The following PARVB variants were observed in gnomAD, a reference collection of about 807,000 sequenced individuals.
PARVB encodes the protein parvin beta.
In PARVB, 46 loss-of-function variants were observed where a neutral mutation model predicts 47.0. The ratio of observed to expected loss-of-function variants is 0.98; its 90% CI spans 0.77 to 1.25. PARVB has a LOEUF of 1.25. Among genes scored for constraint, PARVB ranks in the 50% most tolerant of loss-of-function variants. The pLI, the probability that PARVB is intolerant of heterozygous loss-of-function variation, is 0.00. For synonymous variants in PARVB, 196 were observed against 196.3 expected, an observed-to-expected ratio of 1.00 and a Z score of 0.01; for missense variants, 473 against 471.6, an observed-to-expected ratio of 1.00 and a Z score of -0.03.
chr22:44,170,105 A>T lies in PARVB; in HGVS notation c.*1427A>T, dbSNP rs894404266. 2 of 138,930 alleles carry T rather than the reference A, an allele frequency of 1.4e-5. No homozygotes were observed. Among genetic ancestry groups the T allele is most frequent in the African/African-American group, 6.7e-5 (2 of 29,914 alleles). 8.6% of individuals were successfully genotyped at this position (138,930 alleles called of 1,614,324 possible). A position where few individuals can be genotyped will look rare whatever the true frequency, so the allele number is the denominator to read the frequency against. ...AGCCTTGATCTCCCAGGCTCAATTG[A>T]TCCTCCCACCTCAGCCTCCCAAGTA... On this transcript the variant is annotated 3_prime_UTR_variant, in exon 13 of 13. Coordinates refer to ENST00000338758, the MANE Select transcript of PARVB (RefSeq NM_013327.5).
intron 4 of PARVB, among the ~76,000 whole-genome samples, chr22:44,121,557 TTA>T (rs1491411434): frequency 2.9e-5 from 4 of 136,636 alleles, no homozygotes; most frequent in African/African-American, 1.1e-4. Flanking sequence ...GTGTCCTTTT[TTA>T]AAAAAAAAAA....
chr22:44,040,805 G>T (rs2051004755), intron 1 of PARVB, among the ~76,000 whole-genome samples: 1 of 151,762 alleles, frequency 6.6e-6, no homozygotes, highest in African/African-American at 2.4e-5. Context: ...CATGAGGTCA[G>T]GAGATCGAGA....
rs556194677 is a variant in PARVB, at chr22:44,029,917, A to G, written c.112+5466A>G. On this transcript the variant is annotated intron_variant, in intron 1 of 12. Coordinates refer to ENST00000338758, the MANE Select transcript of PARVB (RefSeq NM_013327.5). ...AAAGCGAGACTCTGCCTCAAAAAAAAAAAAGAAAAGAAAAGAAATCACTAG... is the reference window on the plus strand; with the variant it reads ...AAAGCGAGACTCTGCCTCAAAAAAAGAAAAGAAAAGAAAAGAAATCACTAG... Among the ~76,000 whole-genome samples, 587 of 107,760 alleles carry G rather than the reference A, an allele frequency of 5.4e-3. 2 individuals carry two copies. Among genetic ancestry groups the G allele is most frequent in the Non-Finnish European group, 6.3e-3 (352 of 56,084 alleles). 70.7% of individuals were successfully genotyped at this position (107,760 alleles called of 152,430 possible). A position where few individuals can be genotyped will look rare whatever the true frequency, so the allele number is the denominator to read the frequency against.
intron 10 of PARVB, chr22:44,152,281 C>A (rs2147151529): frequency 6.6e-6 from 1 of 152,106 alleles, no homozygotes; most frequent in African/African-American, 2.4e-5. Flanking sequence ...TCCCGAGTAG[C>A]TGGGACTACA....
chr22:44,071,596 C>G (rs946492305), intron 1 of PARVB, among the ~76,000 whole-genome samples: 1 of 152,148 alleles, frequency 6.6e-6, no homozygotes, highest in Admixed American at 6.5e-5. Context: ...TCCCAGCCAC[C>G]ACCTATGCTC....
intron 1 of PARVB, among the ~76,000 whole-genome samples, chr22:44,091,628 C>T (rs1238805114): frequency 6.6e-6 from 1 of 152,284 alleles, no homozygotes; most frequent in East Asian, 1.9e-4. Flanking sequence ...TCAAGGTTCA[C>T]CCATGCGGTA....
chr22:44,100,100 C>T lies in PARVB; in HGVS notation c.250C>T (p.Pro84Ser). Residue 84 changes from proline (P) to serine (S), a missense_variant, in exon 3 of 13, where the codon CCC becomes TCC. Transcript: ENST00000338758. ...TMIDPTSKED[P>S]KFKELVKVLL... ...GATTGACCCCACTTCCAAGGAAGAC[C>T]CCAAGTTCAAGGAACTGGTCAAGGT... is the stretch of plus-strand genomic sequence containing the variant. 6.2e-7 allele frequency: 1 copy of T among 1,613,936 alleles called. No individual in the cohort carries two copies.
chr22:44,092,545 A>G (rs554644905), intron 1 of PARVB, among the ~76,000 whole-genome samples: 1 of 152,272 alleles, frequency 6.6e-6, no homozygotes, highest in Non-Finnish European at 1.5e-5. Context: ...CCCTGCTGCC[A>G]TTGTCCTTAT....
chr22:44,070,723 C>T (rs898078405), intron 1 of PARVB, among the ~76,000 whole-genome samples: 6 of 152,184 alleles, frequency 3.9e-5, no homozygotes, highest in Non-Finnish European at 5.9e-5. Context: ...AAGGTGATTG[C>T]GCACAGAGTG....
At chr22:44,144,467 A>C (rs2053621559) in intron 8 of PARVB, 1 of 152,194 alleles carries the variant, frequency 6.6e-6, no homozygotes. Flanking sequence ...GAGAAGCCAG[A>C]AGTTAAGAAC....
At chr22:44,039,071 C>T (rs1378952708) in intron 1 of PARVB, among the ~76,000 whole-genome samples, 1 of 152,218 alleles carries the variant, frequency 6.6e-6, no homozygotes, top group Non-Finnish European at 1.5e-5. Context: ...GAATGCCCCG[C>T]AGACCCATGG....
In PARVB at chr22:44,068,859, T is replaced by G. The variant is rs2051590588; in HGVS notation, c.113-25069T>G. Among the ~76,000 whole-genome samples the G allele has an allele frequency of 6.6e-6, 1 of 152,156 alleles. No individual in the cohort carries two copies. Among genetic ancestry groups the G allele is most frequent in the Admixed American group, 6.5e-5 (1 of 15,282 alleles). On this transcript the variant is annotated intron_variant, in intron 1 of 12. Coordinates refer to ENST00000338758, the MANE Select transcript of PARVB (RefSeq NM_013327.5). The surrounding 1 kb of genome is among the most constrained non-coding windows in gnomAD (Gnocchi z 4.1). ...GGGCCTGGGCGCGCCCTTCCTTCCT[T>G]CTTTGTGCATGGGGGTTTTCCTGGG...
At chr22:44,122,354 C>T (rs921110411) in intron 4 of PARVB, among the ~76,000 whole-genome samples, 10 of 151,908 alleles carry the variant, frequency 6.6e-5, no homozygotes, top group African/African-American at 1.5e-4. Flanking sequence ...TGATGTGCAC[C>T]GTGCACCTGT....
chr22:44,037,588 C>G (rs2050944026), intron 1 of PARVB, among the ~76,000 whole-genome samples: 1 of 152,176 alleles, frequency 6.6e-6, no homozygotes, highest in African/African-American at 2.4e-5. Context: ...GTGGTTATTC[C>G]CATTTTGCAG....
chr22:44,087,763 CAGGCTTCTGATGACA>C, intron 1 of PARVB, among the ~76,000 whole-genome samples: 1 of 149,150 alleles, frequency 6.7e-6, no homozygotes, highest in Non-Finnish European at 1.5e-5. Flanking sequence ...GTATAAATGG[CAGGCTTCTGATGACA>C]TGCTTTTAGT....
At chr22:44,073,555 C>G (rs2051701147) in intron 1 of PARVB, among the ~76,000 whole-genome samples, 1 of 152,216 alleles carries the variant, frequency 6.6e-6, no homozygotes, top group Non-Finnish European at 1.5e-5. Context: ...TCTTAAACGT[C>G]TCGAATACCA....
intron 3 of PARVB, among the ~76,000 whole-genome samples, chr22:44,101,292 C>T (rs2052438716): frequency 6.6e-6 from 1 of 151,890 alleles, no homozygotes; most frequent in African/African-American, 2.4e-5. Context: ...ACCTGTAGTC[C>T]CAGCTACTCA....
At chr22:44,102,617 A>T (rs1371377666) in intron 3 of PARVB, among the ~76,000 whole-genome samples, 2 of 151,970 alleles carry the variant, frequency 1.3e-5, no homozygotes, top group Non-Finnish European at 2.9e-5. Flanking sequence ...GTTGGGGGGA[A>T]TCACTTGAGC....
chr22:44,030,303 G>T (rs2050802766), intron 1 of PARVB, among the ~76,000 whole-genome samples: 1 of 152,240 alleles, frequency 6.6e-6, no homozygotes, highest in African/African-American at 2.4e-5. Context: ...CCCAGACTTG[G>T]GGTTTTGGGC....
Sources: allele counts gnomAD v4.1 joint callset (sites outside exome capture counted in the v4.1 genomes callset), GRCh38; gene constraint gnomAD v4.1.1; non-coding constraint Gnocchi (gnomAD v3.1); transcripts MANE v1.5; gene names NCBI Gene and HGNC (gene_info 2026-07-23, HGNC 2026-07-21).